The following LCOR variants were observed in gnomAD, a reference collection of about 807,000 sequenced individuals.
LCOR encodes the protein ligand-dependent corepressor.
Under a neutral mutation model 64.4 loss-of-function variants are expected in LCOR, and 14 were observed. The ratio of observed to expected loss-of-function variants is 0.22; its 90% CI spans 0.14 to 0.34. The LOEUF (loss-of-function observed/expected upper bound fraction) is 0.34. Ranked by LOEUF, LCOR falls within the 10% of genes least tolerant of loss-of-function variation. The pLI, the probability that LCOR is intolerant of heterozygous loss-of-function variation, is 1.00. For synonymous variants in LCOR, 643 were observed against 642.5 expected, an observed-to-expected ratio of 1.00 and a Z score of -0.01; for missense variants, 1,686 against 1,765.3, an observed-to-expected ratio of 0.96 and a Z score of 0.80.
chr10:96,971,889 C>G (rs532513329), intron 7 of LCOR, among the ~76,000 whole-genome samples: 3 of 152,116 alleles, frequency 2.0e-5, no homozygotes, highest in Non-Finnish European at 4.4e-5. Context: ...ATAACTCTTA[C>G]GTCTGCATGT....
intron 4 of LCOR, among the ~76,000 whole-genome samples, chr10:96,909,850 A>G (rs1321043616): frequency 6.6e-6 from 1 of 152,158 alleles, no homozygotes; most frequent in Non-Finnish European, 1.5e-5. Flanking sequence ...CTTCCAGTGA[A>G]ATTGAAGTTC....
chr10:96,891,287 G>A (rs1846435050), intron 2 of LCOR, among the ~76,000 whole-genome samples: 1 of 151,600 alleles, frequency 6.6e-6, no homozygotes, highest in Non-Finnish European at 1.5e-5. Flanking sequence ...TAATTTGTTG[G>A]CATACAATAG....
rs1489883601 is a variant in LCOR at position 96,995,888 on chromosome 10, A to G, written c.*10754A>G. ...TGTGGGAGGGGTTTCTCTAACACTGACTTCTATTCCATGAGCTTTTTCAAG... is the reference window on the plus strand; with the variant it reads ...TGTGGGAGGGGTTTCTCTAACACTGGCTTCTATTCCATGAGCTTTTTCAAG... On this transcript the variant is annotated 3_prime_UTR_variant, in exon 8 of 8. Transcript: ENST00000421806. This position sits in a 1 kb window ranked among gnomAD's most constrained non-coding sequence, Gnocchi z 4.2. 6.6e-6 allele frequency: 1 copy of G among 152,166 alleles called. No homozygotes were observed. The highest frequency in any genetic ancestry group is 1.5e-5 in the Non-Finnish European group (1 of 68,034). The allele number at this position is 152,166 out of a possible 1,614,324, so 9.4% of individuals were successfully genotyped here.
chr10:96,933,111 TA>T (rs1419881226), intron 4 of LCOR, among the ~76,000 whole-genome samples: 1 of 152,254 alleles, frequency 6.6e-6, no homozygotes, highest in Non-Finnish European at 1.5e-5. Context: ...TGAGGATAAG[TA>T]AAATGATCTT....
chr10:96,912,164 C>T (rs1017809105), intron 4 of LCOR, among the ~76,000 whole-genome samples: 1 of 152,074 alleles, frequency 6.6e-6, no homozygotes, highest in African/African-American at 2.4e-5. Flanking sequence ...AAACTCCTGA[C>T]TTCAGGCAAT....
intron 2 of LCOR, among the ~76,000 whole-genome samples, chr10:96,898,366 A>G (rs1219952276): frequency 6.6e-6 from 1 of 152,192 alleles, no homozygotes; most frequent in East Asian, 1.9e-4. Context: ...GTATGTATAC[A>G]GAATATGGTA....
intron 2 of LCOR, among the ~76,000 whole-genome samples, chr10:96,842,624 TTTC>T (rs1845560300): frequency 6.6e-6 from 1 of 151,258 alleles, no homozygotes; most frequent in African/African-American, 2.4e-5. Context: ...TTTTTTTTCT[TTTC>T]TTTTCTTTTT....
At chr10:96,843,360 T>C (rs1845574417) in intron 2 of LCOR, among the ~76,000 whole-genome samples, 1 of 152,098 alleles carries the variant, frequency 6.6e-6, no homozygotes, top group African/African-American at 2.4e-5. Flanking sequence ...CTCGATCCCC[T>C]GGCCTCAAGT....
At chr10:96,855,608 A>G (rs995533579) in intron 2 of LCOR, among the ~76,000 whole-genome samples, 2 of 151,272 alleles carry the variant, frequency 1.3e-5, no homozygotes, top group Non-Finnish European at 2.9e-5. Flanking sequence ...CTAATGTTTT[A>G]TATTTTTAGT....
intron 4 of LCOR, among the ~76,000 whole-genome samples, chr10:96,912,169 G>C (rs1846849177): frequency 6.6e-6 from 1 of 151,974 alleles, no homozygotes; most frequent in African/African-American, 2.4e-5. Flanking sequence ...CCTGACTTCA[G>C]GCAATCCACC....
intron 2 of LCOR, among the ~76,000 whole-genome samples, chr10:96,845,250 T>TAAAATGTGA (rs1276627044): frequency 6.6e-6 from 1 of 151,930 alleles, no homozygotes; most frequent in East Asian, 1.9e-4. Context: ...CCCATCAAAA[T>TAAAATGTGA]AAAATGTGAA....
At chr10:96,843,618 T>A (rs1054900184) in intron 2 of LCOR, among the ~76,000 whole-genome samples, 2 of 152,238 alleles carry the variant, frequency 1.3e-5, no homozygotes, top group Non-Finnish European at 2.9e-5. Flanking sequence ...TCTTTTAGTT[T>A]GGAAAACTTC....
chr10:96,981,532 G>A lies in LCOR; in HGVS notation c.1072G>A (p.Gly358Arg), dbSNP rs1252470236. Residue 358 changes from glycine to arginine, a missense_variant, in exon 8 of 8, where the codon GGG becomes AGG. Transcript: ENST00000421806. ...SEEAWNSGFM[G>R]NSSRTADKEN... Reference sequence around the variant, plus strand: ...AGAGGCTTGGAACTCAGGGTTTATGGGGAACTCATCTAGAACTGCTGACAA... The same window carrying A: ...AGAGGCTTGGAACTCAGGGTTTATGAGGAACTCATCTAGAACTGCTGACAA... 2 of 1,614,034 alleles carry A rather than the reference G, an allele frequency of 1.2e-6. No individual in the cohort carries two copies. The highest frequency in any genetic ancestry group is 1.7e-6 in the Non-Finnish European group (2 of 1,180,032).
In LCOR at chr10:96,992,586, G is replaced by A. The variant is rs960267475; in HGVS notation, c.*7452G>A. On this transcript the variant is annotated 3_prime_UTR_variant, in exon 8 of 8. Transcript: ENST00000421806. ...AGGCATGGCATCGGGTGTGCCCCATGCAGCCTACTTCTTGCATGCACAGTT... is the reference window on the plus strand; with the variant it reads ...AGGCATGGCATCGGGTGTGCCCCATACAGCCTACTTCTTGCATGCACAGTT... 6.6e-6 allele frequency: 1 copy of A among 152,256 alleles called. No homozygotes were observed. Among genetic ancestry groups the A allele is most frequent in the Non-Finnish European group, 1.5e-5 (1 of 68,054 alleles). 9.4% of individuals were successfully genotyped at this position (152,256 alleles called of 1,614,324 possible).
intron 7 of LCOR, chr10:96,962,092 A>ACTACATAATATGGG (rs1847890893): frequency 6.6e-6 from 1 of 152,110 alleles, no homozygotes; most frequent in Non-Finnish European, 1.5e-5. Context: ...TATAAAACAT[A>ACTACATAATATGGG]CTACATAATA....
chr10:96,935,366 C>G (rs1277268790), intron 4 of LCOR, among the ~76,000 whole-genome samples: 1 of 152,130 alleles, frequency 6.6e-6, no homozygotes, highest in East Asian at 1.9e-4. Flanking sequence ...CCAGGCTGAT[C>G]TCAAATTCCT....
intron 7 of LCOR, among the ~76,000 whole-genome samples, chr10:96,976,776 A>T (rs1848043706): frequency 6.6e-6 from 1 of 152,220 alleles, no homozygotes; most frequent in Admixed American, 6.5e-5. Context: ...TTCTTACTGC[A>T]TGCATACCTT....
chr10:96,921,648 G>A (rs998205926), intron 4 of LCOR, among the ~76,000 whole-genome samples: 2 of 152,068 alleles, frequency 1.3e-5, no homozygotes, highest in Non-Finnish European at 2.9e-5. Flanking sequence ...ATTTTTAGTA[G>A]CGATGGGGTT....
At chr10:96,980,745 C>A (rs1848076666) in intron 7 of LCOR, 48 bp from the exon 8 acceptor site, 1 of 618,262 alleles carries the variant, frequency 1.6e-6, no homozygotes, top group Admixed American at 2.9e-5. Flanking sequence ...AAAAATGGTT[C>A]TTTGGTAAAT....
Sources: gnomAD v4.1 joint callset for allele counts (sites outside exome capture counted in the v4.1 genomes callset) on GRCh38, gnomAD v4.1.1 for gene constraint, Gnocchi (gnomAD v3.1) non-coding constraint, MANE v1.5 for transcripts, NCBI Gene and HGNC (gene_info 2026-07-23, HGNC 2026-07-21) for gene names.